Variants in SLBP observed in about 807,000 individuals in gnomAD.
The protein encoded by SLBP is stem-loop histone mRNA binding protein, also known as histone RNA hairpin-binding protein.
A neutral mutation model predicts 39.2 loss-of-function variants in SLBP; 29 were observed. The ratio of observed to expected loss-of-function variants is 0.74; its 90% CI spans 0.55 to 1.01. The LOEUF (loss-of-function observed/expected upper bound fraction) is 1.01, where lower values mean the gene tolerates loss of function less well. Among genes scored for constraint, SLBP ranks in the 50% least tolerant of loss-of-function variants. The pLI, the probability that SLBP is intolerant of heterozygous loss-of-function variation, is 0.00. For missense variants in SLBP, 390 were observed against 350.2 expected (o/e 1.11, Z -0.91); for synonymous variants, 129 against 118.7 (o/e 1.09, Z -0.57).
intron 7 of SLBP, 62 bp from the exon 8 acceptor site, chr4:1,693,775 C>G: frequency 1.1e-6 from 1 of 918,452 alleles, no homozygotes; most frequent in South Asian, 1.3e-5. Context: ...GGGCCCCTTC[C>G]TACACCCCAC....
At chr4:1,701,513 G>A (rs1560250074) in intron 3 of SLBP, among the ~76,000 whole-genome samples, 1 of 152,154 alleles carries the variant, frequency 6.6e-6, no homozygotes, top group Non-Finnish European at 1.5e-5. Flanking sequence ...AGCATAGTAA[G>A]CTGACATTTC....
At chr4:1,699,523 C>T (rs1443020367) in intron 5 of SLBP, 41 bp downstream of exon 5, 19 of 1,608,912 alleles carry the variant, frequency 1.2e-5, no homozygotes, top group Non-Finnish European at 1.6e-5. Flanking sequence ...AAACGCAATG[C>T]CACACAGCTT....
intron 7 of SLBP, 28 bp from the exon 8 acceptor site, chr4:1,693,741 A>C: frequency 6.9e-7 from 1 of 1,450,102 alleles, no homozygotes; most frequent in Non-Finnish European, 9.7e-7. Flanking sequence ...GGCTCGGTTG[A>C]CATTCATCTC....
chr4:1,706,239 T>C (rs572893468), intron 2 of SLBP, among the ~76,000 whole-genome samples: 207 of 151,580 alleles, frequency 1.4e-3, no homozygotes, highest in African/African-American at 4.7e-3. Context: ...TGAGCCGAAA[T>C]TGCACCACTG....
At position 1,712,315 on chromosome 4, in the gene SLBP, G is replaced by C. The variant is rs1716820147; in HGVS notation, c.-127C>G. 2 of 524,564 alleles carry C rather than the reference G, an allele frequency of 3.8e-6. No homozygotes were observed. The highest frequency in any genetic ancestry group is 9.2e-5 in the East Asian group (2 of 21,814). 32.5% of individuals were successfully genotyped at this position (524,564 alleles called of 1,614,324 possible). On this transcript the variant is annotated 5_prime_UTR_variant, in exon 1 of 8. Transcript: ENST00000489418. ...CGCGTCCCCGCGCCGGCGCTCACGA[G>C]CTCTGCGCGCCCCGCCCCCAACCGC...
chr4:1,712,016 G>C, intron 1 of SLBP, 26 bp from the exon 2 acceptor site: 1 of 1,272,506 alleles, frequency 7.9e-7, no homozygotes, highest in Non-Finnish European at 9.9e-7. Context: ...CGGTCGGCTG[G>C]GCACGGGAGG....
Position 1,712,242 on chromosome 4 carries a change from C to G in SLBP, c.-54G>C, listed in dbSNP as rs1475790023. 8 of 1,143,454 alleles carry G rather than the reference C, an allele frequency of 7.0e-6. No homozygotes were observed. In the East Asian group the frequency reaches 2.9e-4, roughly 41 times the overall value. 70.8% of individuals were successfully genotyped at this position (1,143,454 alleles called of 1,614,324 possible). On this transcript the variant is annotated 5_prime_UTR_variant, in exon 1 of 8. Coordinates refer to ENST00000489418, the MANE Select transcript of SLBP (RefSeq NM_006527.4). Reference sequence around the variant, plus strand: ...GGCCGAGGCTGAGGCGGCGGCGGCGCGGGCAGAGAGCGCAGAGTAGAGCAG... The same window carrying G: ...GGCCGAGGCTGAGGCGGCGGCGGCGGGGGCAGAGAGCGCAGAGTAGAGCAG...
intron 2 of SLBP, among the ~76,000 whole-genome samples, chr4:1,711,115 CATA>C (rs1394808806): frequency 6.7e-6 from 1 of 149,402 alleles, no homozygotes; most frequent in Non-Finnish European, 1.5e-5. Flanking sequence ...CCGCGCTCAG[CATA>C]ATTTTTTCCT....
chr4:1,700,140 T>G, intron 3 of SLBP, 70 bp from the exon 4 acceptor site: 2 of 1,040,174 alleles, frequency 1.9e-6, no homozygotes, highest in Non-Finnish European at 2.9e-6. Context: ...CTGAGGAAGC[T>G]CCACCCTGAT....
intron 2 of SLBP, 57 bp from the exon 3 acceptor site, chr4:1,703,757 C>T: frequency 8.3e-7 from 1 of 1,206,720 alleles, no homozygotes; most frequent in Non-Finnish European, 1.2e-6. Flanking sequence ...TTCTTTCAAA[C>T]TGTATGTCAA....
chr4:1,708,548 T>A (rs879648702), intron 2 of SLBP, among the ~76,000 whole-genome samples: 6 of 152,182 alleles, frequency 3.9e-5, no homozygotes, highest in Non-Finnish European at 2.9e-5. Flanking sequence ...TCCTCACTAG[T>A]GTATCAAGAG....
Position 1,693,560 on chromosome 4 carries a change from G to C in SLBP, c.*37C>G. The C allele has an allele frequency of 7.9e-7, 1 of 1,264,696 alleles. No homozygotes were observed. Among genetic ancestry groups the C allele is most frequent in the Non-Finnish European group, 1.2e-6 (1 of 862,038 alleles). 78.3% of individuals were successfully genotyped at this position (1,264,696 alleles called of 1,614,324 possible). On this transcript the variant is annotated 3_prime_UTR_variant, in exon 8 of 8. Coordinates refer to ENST00000489418, the MANE Select transcript of SLBP (RefSeq NM_006527.4). The stretch of plus-strand genomic sequence containing the variant: ...CCTGGCCAGCCTTCCACCTAGTCGG[G>C]GAGGAGCTGTTTCTCTTCCTGGCCG...
chr4:1,711,051 TAAAAAA>T (rs34503092), intron 2 of SLBP, among the ~76,000 whole-genome samples: 34 of 121,512 alleles, frequency 2.8e-4, no homozygotes, highest in African/African-American at 4.1e-4. Context: ...ACCCTGTCTT[TAAAAAA>T]AAAAAAAAAA....
intron 2 of SLBP, among the ~76,000 whole-genome samples, chr4:1,711,026 G>A (rs1298570218): frequency 2.8e-5 from 4 of 141,468 alleles, no homozygotes; most frequent in Non-Finnish European, 6.0e-5. Flanking sequence ...ACTCCAGCCT[G>A]TGAGACAGAG....
rs1450973115 is a variant in SLBP, at chr4:1,693,694, G to GGT, written c.714_715dup (p.Pro239HisfsTer5). ...ACTGTCCATGTGTCTCACCTTGGTG[G>GGT]GTGTGCCAGAGTACACATCCTGGAA... On this transcript the variant is annotated frameshift_variant, in exon 8 of 8. Transcript: ENST00000489418. LOFTEE classifies it high-confidence loss of function. The GGT allele has an allele frequency of 6.2e-7, 1 of 1,612,262 alleles. No homozygotes were observed. Among genetic ancestry groups the GGT allele is most frequent in the Non-Finnish European group, 8.5e-7 (1 of 1,178,460 alleles).
At chr4:1,702,717 G>A (rs370427351) in intron 3 of SLBP, among the ~76,000 whole-genome samples, 1 of 152,186 alleles carries the variant, frequency 6.6e-6, no homozygotes, top group African/African-American at 2.4e-5. Context: ...CAACGAAGAC[G>A]AAGTAGCTTA....
chr4:1,693,521 A>G lies in SLBP; in HGVS notation c.*76T>C. ...GAGAAACCACCAGGTACAAGTGCACACACATGCTTGGTGCCTGGCCAGCCT... is the reference window on the plus strand; with the variant it reads ...GAGAAACCACCAGGTACAAGTGCACGCACATGCTTGGTGCCTGGCCAGCCT... On this transcript the variant is annotated 3_prime_UTR_variant, in exon 8 of 8. Coordinates refer to ENST00000489418, the MANE Select transcript of SLBP (RefSeq NM_006527.4). 9.6e-6 allele frequency: 8 copies of G among 836,526 alleles called. No individual in the cohort carries two copies. The highest frequency in any genetic ancestry group is 1.7e-5 in the Non-Finnish European group (8 of 479,062). 51.8% of individuals were successfully genotyped at this position (836,526 alleles called of 1,614,324 possible).
At chr4:1,705,742 G>T (rs1259076290) in intron 2 of SLBP, among the ~76,000 whole-genome samples, 1 of 152,196 alleles carries the variant, frequency 6.6e-6, no homozygotes, top group Non-Finnish European at 1.5e-5. Flanking sequence ...TGCCTTAGAA[G>T]TTGTCTTTTT....
Position 1,694,824 on chromosome 4 carries a change from C to G in SLBP, c.646G>C (p.Glu216Gln), listed in dbSNP as rs775984323. ...DLQEIHPVDL[E>Q]SAESSSEPQT... ...GGCTCGGAGCTGCTTTCTGCAGATT[C>G]AAGGTCTACAGGGTGTCTGTTAAAC... Residue 216 changes from glutamate to glutamine, a missense_variant, in exon 7 of 8, where the codon GAA becomes CAA. By Grantham distance (29) the Glu-to-Gln change is conservative. Coordinates refer to ENST00000489418, the MANE Select transcript of SLBP (RefSeq NM_006527.4). 2 of 1,613,384 alleles carry G rather than the reference C, an allele frequency of 1.2e-6. No individual in the cohort carries two copies. Among genetic ancestry groups the G allele is most frequent in the Admixed American group, 3.3e-5 (2 of 60,022 alleles).
Sources: gnomAD v4.1 joint callset for allele counts (sites outside exome capture counted in the v4.1 genomes callset) on GRCh38, gnomAD v4.1.1 for gene constraint, MANE v1.5 for transcripts, NCBI Gene and HGNC (gene_info 2026-07-23, HGNC 2026-07-21) for gene names.